CLK1: variants seen among roughly 807,000 people sequenced by gnomAD.
CLK1 encodes CDC like kinase 1, also known as dual specificity protein kinase CLK1.
In CLK1, 40 loss-of-function variants were observed where a neutral mutation model predicts 60.9. The observed-to-expected ratio is 0.66, with a 90% CI of 0.51 to 0.86. The LOEUF (loss-of-function observed/expected upper bound fraction) is 0.86, where lower values mean the gene tolerates loss of function less well. CLK1 is among the 40% of genes least tolerant of loss of function. CLK1 has a pLI of 0.00. For synonymous variants in CLK1, 203 were observed against 184.4 expected, an observed-to-expected ratio of 1.10 and a Z score of -0.82; for missense variants, 563 against 606.1, an observed-to-expected ratio of 0.93 and a Z score of 0.75.
chr2:200,853,781 A>T, intron 12 of CLK1, 122 bp downstream of exon 12: 1 of 621,260 alleles, frequency 1.6e-6, no homozygotes, highest in South Asian at 2.4e-5. Context: ...CAGAGGTTGC[A>T]GTGAGCTGGG....
At chr2:200,862,130 G>C (rs2039149420) in intron 1 of CLK1, among the ~76,000 whole-genome samples, 1 of 150,858 alleles carries the variant, frequency 6.6e-6, no homozygotes, top group Admixed American at 6.6e-5. Context: ...AAAAAGTAGA[G>C]GGAGGAATCA....
intron 12 of CLK1, 134 bp from the exon 13 acceptor site, chr2:200,853,583 A>T: frequency 2.5e-6 from 2 of 806,630 alleles, no homozygotes; most frequent in Non-Finnish European, 1.8e-6. Context: ...GCTCACGCCT[A>T]TAATCCCAGC....
At chr2:200,861,001 T>C (rs1020900497) in intron 3 of CLK1, 6 of 1,313,920 alleles carry the variant, frequency 4.6e-6, no homozygotes, top group African/African-American at 3.0e-5. Flanking sequence ...ATCAATTAAC[T>C]CCCATCATTT....
At chr2:200,860,991 ATCAATTAAC>A in intron 3 of CLK1, 1 of 1,278,694 alleles carries the variant, frequency 7.8e-7, no homozygotes, top group Non-Finnish European at 9.9e-7. Context: ...TCTAAATTAA[ATCAATTAAC>A]TCCCATCATT....
intron 6 of CLK1, 22 bp downstream of exon 6, chr2:200,857,951 C>G (rs1417242092): frequency 1.2e-6 from 2 of 1,611,834 alleles, no homozygotes. Context: ...TACCACTTCC[C>G]AAGTTCTAAT....
intron 3 of CLK1, 186 bp downstream of exon 3, chr2:200,861,052 T>C (rs908634507): frequency 2.2e-6 from 3 of 1,378,670 alleles, no homozygotes; most frequent in Non-Finnish European, 2.8e-6. Context: ...AATTAAATTA[T>C]AGAACTAAAT....
intron 11 of CLK1, 145 bp from the exon 12 acceptor site, chr2:200,854,138 C>A: frequency 1.8e-6 from 1 of 545,368 alleles, no homozygotes. Context: ...CTGCTTTGCA[C>A]CAAGGTAATC....
chr2:200,860,811 A>C, intron 3 of CLK1: 1 of 1,029,182 alleles, frequency 9.7e-7, no homozygotes, highest in Non-Finnish European at 1.2e-6. Flanking sequence ...TAGTGAAAGA[A>C]GGGTTAGAAA....
intron 10 of CLK1, 53 bp from the exon 11 acceptor site, chr2:200,854,748 A>G: frequency 7.7e-7 from 1 of 1,299,146 alleles, no homozygotes; most frequent in Non-Finnish European, 1.1e-6. Flanking sequence ...AAACAGACAC[A>G]GTTAAAGCTG....
chr2:200,853,384 C>G lies in CLK1; in HGVS notation c.1377G>C (p.Glu459Asp). Residue 459 changes from glutamate to aspartate, a missense_variant, in exon 13 of 13, where the codon GAG becomes GAC. Coordinates refer to ENST00000321356, the MANE Select transcript of CLK1 (RefSeq NM_004071.4). Reference sequence around the variant, plus strand: ...GAGTAATTCTTTTGGCTGGATCATACTCCAACATTTTCTGAATGAGGTCAA... The same window carrying G: ...GAGTAATTCTTTTGGCTGGATCATAGTCCAACATTTTCTGAATGAGGTCAA... ...RLFDLIQKML[E>D]YDPAKRITLR... is the part of the protein sequence containing the mutation. 6.2e-7 allele frequency: 1 copy of G among 1,613,154 alleles called. No homozygotes were observed. Among genetic ancestry groups the G allele is most frequent in the Non-Finnish European group, 8.5e-7 (1 of 1,179,402 alleles).
At position 200,856,974 on chromosome 2, in the gene CLK1, T is replaced by C. The variant is rs1360842807; in HGVS notation, c.844A>G (p.Asn282Asp). ...ICKSVNFLHS[N>D]KLTHTDLKPE... ...TTTAAGTCTGTGTGAGTCAACTTAT[T>C]ACTGTGCAAAACTGAGAATAAAGAG... The change falls in exon 8 of 13, where the codon AAT becomes GAT. Residue 282 changes from asparagine (N) to aspartate (D), a missense_variant. Coordinates refer to ENST00000321356, the MANE Select transcript of CLK1 (RefSeq NM_004071.4). 1 of 1,613,638 alleles carries C rather than the reference T, an allele frequency of 6.2e-7. No homozygotes were observed. Among genetic ancestry groups the C allele is most frequent in the East Asian group, 2.2e-5 (1 of 44,888 alleles).
chr2:200,864,283 A>G (rs879044334), intron 1 of CLK1: 1 of 1,488,670 alleles, frequency 6.7e-7, no homozygotes, highest in African/African-American at 1.4e-5. Context: ...GTCCCGCGTC[A>G]GGCGGCGCCG....
chr2:200,862,015 C>T (rs2039147308), intron 1 of CLK1, among the ~76,000 whole-genome samples, 153 bp from the exon 2 acceptor site: 1 of 151,820 alleles, frequency 6.6e-6, no homozygotes, highest in African/African-American at 2.4e-5. Flanking sequence ...AATCCAATTA[C>T]TGTGTTGTCC....
chr2:200,862,434 TAAG>T (rs930567657), intron 1 of CLK1, among the ~76,000 whole-genome samples: 3 of 152,032 alleles, frequency 2.0e-5, no homozygotes, highest in Admixed American at 1.3e-4. Context: ...CCCCCACCCT[TAAG>T]AAGGTTCTTT....
In CLK1 at chr2:200,861,350, T is replaced by C. The variant is rs759629570; in HGVS notation, c.278A>G (p.His93Arg). 2.0e-5 allele frequency: 32 copies of C among 1,614,096 alleles called. 1 individual carries two copies. Among genetic ancestry groups the C allele is most frequent in the Non-Finnish European group, 2.4e-5 (28 of 1,180,032 alleles). Residue 93 changes from histidine (H) to arginine (R), a missense_variant, in exon 3 of 13, where the codon CAT becomes CGT. Coordinates refer to ENST00000321356, the MANE Select transcript of CLK1 (RefSeq NM_004071.4). Reference sequence around the variant, plus strand: ...ACTATGGTTCTGATACCGGCTTTCATGGTCTCTTTGGCGATGTCCAGGTTC... The same window carrying C: ...ACTATGGTTCTGATACCGGCTTTCACGGTCTCTTTGGCGATGTCCAGGTTC... ...GCEPGHRQRD[H>R]ESRYQNHSSK...
At chr2:200,864,245 C>G in intron 1 of CLK1, 1 of 1,533,234 alleles carries the variant, frequency 6.5e-7, no homozygotes, top group Non-Finnish European at 8.8e-7. Context: ...TCCGCCGAGG[C>G]GGTTCACAAC....
In CLK1 at chr2:200,854,658, C is replaced by T; in HGVS notation, c.1178G>A (p.Arg393Lys). ...DSKEHLAMME[R>K]ILGPLPKHMI... ...ATGTTTTGGTAGAGGTCCAAGAATCCTTTCCATCATTGCTAAATGCTCCTT... is the reference window on the plus strand; with the variant it reads ...ATGTTTTGGTAGAGGTCCAAGAATCTTTTCCATCATTGCTAAATGCTCCTT... Residue 393 changes from arginine to lysine, a missense_variant, in exon 11 of 13, where the codon AGG becomes AAG. This residue lies in a region of CLK1 where 360 missense variants were observed against 407.0 expected (regional missense o/e 0.88). Transcript: ENST00000321356. 1 of 1,610,224 alleles carries T rather than the reference C, an allele frequency of 6.2e-7. No individual in the cohort carries two copies. Among genetic ancestry groups the T allele is most frequent in the Non-Finnish European group, 8.5e-7 (1 of 1,176,574 alleles).
chr2:200,861,906 C>CT, intron 1 of CLK1, 44 bp from the exon 2 acceptor site: 1 of 1,570,592 alleles, frequency 6.4e-7, no homozygotes, highest in Non-Finnish European at 8.7e-7. Flanking sequence ...GTACCCCACA[C>CT]TGAGCTGTTT....
chr2:200,859,836 T>C, intron 4 of CLK1, 90 bp from the exon 5 acceptor site: 2 of 1,551,932 alleles, frequency 1.3e-6, no homozygotes, highest in East Asian at 2.3e-5. Flanking sequence ...TTATTCTAGT[T>C]GATGCTACAA....
Sources: gnomAD v4.1 joint callset for allele counts (sites outside exome capture counted in the v4.1 genomes callset) on GRCh38, gnomAD v4.1.1 for gene constraint, gnomAD v4.1.1 regional missense constraint, MANE v1.5 for transcripts, NCBI Gene and HGNC (gene_info 2026-07-23, HGNC 2026-07-21) for gene names.